The following LRRTM3 variants were observed in gnomAD, a reference collection of about 807,000 sequenced individuals.
LRRTM3 encodes leucine rich repeat transmembrane neuronal 3, also known as leucine-rich repeat transmembrane neuronal protein 3.
A neutral mutation model predicts 44.7 loss-of-function variants in LRRTM3; 24 were observed. That is an observed-to-expected ratio of 0.54 (90% CI 0.39 to 0.76). The LOEUF is 0.76. Among genes scored for constraint, LRRTM3 ranks in the 30% least tolerant of loss-of-function variants. LRRTM3 has a pLI of 0.00. For missense variants in LRRTM3, 587 were observed against 702.2 expected, an observed-to-expected ratio of 0.84 and a Z score of 1.85; for synonymous variants, 277 against 278.7, an observed-to-expected ratio of 0.99 and a Z score of 0.06.
chr10:67,007,144 C>A (rs534989055), intron 2 of LRRTM3, among the ~76,000 whole-genome samples: 1 of 152,104 alleles, frequency 6.6e-6, no homozygotes, highest in Non-Finnish European at 1.5e-5. Flanking sequence ...ACTGTAGGTT[C>A]AAGAGCATTG....
In LRRTM3 at chr10:66,926,564, A is replaced by G. The variant is rs765377465; in HGVS notation, c.-20A>G. On this transcript the variant is annotated 5_prime_UTR_variant, in exon 1 of 3. Coordinates refer to ENST00000361320, the MANE Select transcript of LRRTM3 (RefSeq NM_178011.5). Reference sequence around the variant, plus strand: ...AGCCAAAGCAAAAGACCTAAGGACGACCTTTGAACAATACAAAGGATGGGT... The same window carrying G: ...AGCCAAAGCAAAAGACCTAAGGACGGCCTTTGAACAATACAAAGGATGGGT... The G allele has an allele frequency of 1.2e-6, 2 of 1,613,738 alleles. No individual in the cohort carries two copies. The highest frequency in any genetic ancestry group is 8.5e-7 in the Non-Finnish European group (1 of 1,179,882).
At chr10:66,956,527 G>A (rs1346006899) in intron 2 of LRRTM3, among the ~76,000 whole-genome samples, 4 of 152,108 alleles carry the variant, frequency 2.6e-5, no homozygotes, top group Non-Finnish European at 5.9e-5. Flanking sequence ...TCCTTAGCAA[G>A]GAGGAGGCAA....
At chr10:66,994,181 A>C (rs1470211257) in intron 2 of LRRTM3, among the ~76,000 whole-genome samples, 1 of 152,178 alleles carries the variant, frequency 6.6e-6, no homozygotes, top group Non-Finnish European at 1.5e-5. Flanking sequence ...AAAACCAGTA[A>C]GTAATGTAAA....
At chr10:67,005,680 A>ATTTTTTTTTTTTT (rs1564825972) in intron 2 of LRRTM3, among the ~76,000 whole-genome samples, 5 of 26,346 alleles carry the variant, frequency 1.9e-4, no homozygotes, top group Non-Finnish European at 2.2e-4. Context: ...ATTTTACTCC[A>ATTTTTTTTTTTTT]TCTTTTTTTT....
At chr10:67,091,544 T>G (rs1857640834) in intron 2 of LRRTM3, among the ~76,000 whole-genome samples, 1 of 152,088 alleles carries the variant, frequency 6.6e-6, no homozygotes, top group Admixed American at 6.6e-5. Context: ...ACATATTGCT[T>G]ACATTTAAAT....
rs1367758157 is a variant in LRRTM3, at chr10:67,041,190, C to A, written c.1537-56397C>A. On this transcript the variant is annotated intron_variant, in intron 2 of 2. Coordinates refer to ENST00000361320, the MANE Select transcript of LRRTM3 (RefSeq NM_178011.5). The stretch of plus-strand genomic sequence containing the variant: ...TCATGTTCTGCCAGAGCAAATAGTA[C>A]TGAAGAAAATCAAACTTGTCAGAAT... 2.6e-5 allele frequency among the ~76,000 whole-genome samples: 4 copies of A among 152,092 alleles called. No homozygotes were observed. In the East Asian group the frequency reaches 7.7e-4, roughly 29 times the overall value.
intron 2 of LRRTM3, among the ~76,000 whole-genome samples, chr10:67,096,713 T>C (rs952683365): frequency 6.6e-6 from 1 of 151,898 alleles, no homozygotes; most frequent in South Asian, 2.1e-4. Context: ...CTTCTCACCA[T>C]GGTCATGCTT....
chr10:66,976,131 G>A (rs965190744), intron 2 of LRRTM3, among the ~76,000 whole-genome samples: 4 of 152,068 alleles, frequency 2.6e-5, no homozygotes, highest in African/African-American at 9.7e-5. Context: ...CATTGTTCCT[G>A]CCTTTGTAAA....
At chr10:66,969,586 GT>G (rs1323237759) in intron 2 of LRRTM3, among the ~76,000 whole-genome samples, 1 of 151,974 alleles carries the variant, frequency 6.6e-6, no homozygotes, top group Non-Finnish European at 1.5e-5. Context: ...ACACCACACT[GT>G]TTTCATGATA....
chr10:66,937,263 T>C (rs973668180), intron 2 of LRRTM3, among the ~76,000 whole-genome samples: 4 of 152,138 alleles, frequency 2.6e-5, no homozygotes, highest in African/African-American at 9.7e-5. Context: ...CTAATAAAAA[T>C]GTGTAAAACA....
rs1858124061 is a variant in LRRTM3 at position 67,098,067 on chromosome 10, T to A, written c.*271T>A. On this transcript the variant is annotated 3_prime_UTR_variant, in exon 3 of 3. Transcript: ENST00000361320. ...AAGAATCTTTTTTTTTCAAAACTCA[T>A]CCTACCTACCTGTAAAAACTGTACA... 2.3e-6 allele frequency: 1 copy of A among 433,094 alleles called. No individual in the cohort carries two copies. Among genetic ancestry groups the A allele is most frequent in the Admixed American group, 3.8e-5 (1 of 26,322 alleles). 26.8% of individuals were successfully genotyped at this position (433,094 alleles called of 1,614,324 possible).
chr10:66,967,516 A>T (rs1349509037), intron 2 of LRRTM3, among the ~76,000 whole-genome samples: 1 of 151,988 alleles, frequency 6.6e-6, no homozygotes, highest in Admixed American at 6.6e-5. Context: ...TCCCTCAGCA[A>T]TACAAGATTT....
intron 1 of LRRTM3, 88 bp downstream of exon 1, chr10:66,926,675 TA>T: frequency 6.9e-7 from 1 of 1,442,826 alleles, no homozygotes; most frequent in South Asian, 1.2e-5. Flanking sequence ...TTAATTATTT[TA>T]GAGATTACCT....
At chr10:67,007,623 C>A (rs1163545714) in intron 2 of LRRTM3, among the ~76,000 whole-genome samples, 1 of 151,910 alleles carries the variant, frequency 6.6e-6, no homozygotes. Flanking sequence ...TTTTCTGAAA[C>A]CCTTGCCAGT....
At chr10:67,060,250 A>G (rs927539164) in intron 2 of LRRTM3, among the ~76,000 whole-genome samples, 1 of 152,140 alleles carries the variant, frequency 6.6e-6, no homozygotes, top group Admixed American at 6.5e-5. Context: ...CCTGGGAGGT[A>G]GAGGCTGCAG....
intron 2 of LRRTM3, among the ~76,000 whole-genome samples, chr10:67,094,810 T>A (rs1857871173): frequency 6.6e-6 from 1 of 151,698 alleles, no homozygotes; most frequent in African/African-American, 2.4e-5. Context: ...ATTTGAAAAA[T>A]TTATGAGTAA....
intron 2 of LRRTM3, among the ~76,000 whole-genome samples, chr10:67,090,961 A>G (rs1261316164): frequency 6.6e-6 from 1 of 152,066 alleles, no homozygotes; most frequent in Non-Finnish European, 1.5e-5. Context: ...TAGAAACCAA[A>G]ATAGTGATTA....
intron 2 of LRRTM3, among the ~76,000 whole-genome samples, 196 bp from the exon 3 acceptor site, chr10:67,097,391 C>T (rs529555026): frequency 1.1e-4 from 16 of 151,902 alleles, no homozygotes; most frequent in African/African-American, 3.6e-4. Context: ...AGTTTCATCC[C>T]AGGATTTAAA....
chr10:66,992,829 C>A (rs910528536), intron 2 of LRRTM3, among the ~76,000 whole-genome samples: 1 of 151,978 alleles, frequency 6.6e-6, no homozygotes, highest in Non-Finnish European at 1.5e-5. Context: ...AATTTTAATG[C>A]CTTTTTAGTG....
Sources: gnomAD v4.1 joint callset for allele counts (sites outside exome capture counted in the v4.1 genomes callset) on GRCh38, gnomAD v4.1.1 for gene constraint, MANE v1.5 for transcripts, NCBI Gene and HGNC (gene_info 2026-07-23, HGNC 2026-07-21) for gene names.